ADGB: variants seen among roughly 807,000 people sequenced by gnomAD.
ADGB encodes the protein calpain-7-like protein.
Under a neutral mutation model 210.5 loss-of-function variants are expected in ADGB, and 172 were observed. That is an observed-to-expected ratio of 0.82 (90% CI 0.72 to 0.93). The LOEUF is 0.93. ADGB is among the 40% of genes least tolerant of loss of function. The pLI is 0.00. For synonymous variants in ADGB, 658 were observed against 662.7 expected, an observed-to-expected ratio of 0.99 and a Z score of 0.11; for missense variants, 2,025 against 1,964.8, an observed-to-expected ratio of 1.03 and a Z score of -0.58.
chr6:146,738,556 T>G (rs1292338001), intron 23 of ADGB, among the ~76,000 whole-genome samples: 1 of 149,838 alleles, frequency 6.7e-6, no homozygotes, highest in Non-Finnish European at 1.5e-5. Context: ...TTCACGCCAT[T>G]CTCCTGCCTC....
At chr6:146,804,349 C>T (rs1778179278) in intron 35 of ADGB, among the ~76,000 whole-genome samples, 1 of 152,096 alleles carries the variant, frequency 6.6e-6, no homozygotes, top group Non-Finnish European at 1.5e-5. Context: ...CTGTCATTTC[C>T]AGTAATGGCT....
intron 28 of ADGB, 91 bp downstream of exon 28, chr6:146,764,191 T>C (rs575908671): frequency 9.9e-6 from 11 of 1,115,908 alleles, no homozygotes; most frequent in Middle Eastern, 2.6e-4. Context: ...CAATATACAG[T>C]GTGCAGTGCT....
At chr6:146,750,462 G>A (rs542051667) in intron 26 of ADGB, among the ~76,000 whole-genome samples, 12 of 152,146 alleles carry the variant, frequency 7.9e-5, no homozygotes, top group East Asian at 3.9e-4. Flanking sequence ...GGAGTCTGAC[G>A]CGGAAATATC....
chr6:146,793,698 A>G (rs554999494), intron 33 of ADGB, among the ~76,000 whole-genome samples: 1 of 152,352 alleles, frequency 6.6e-6, no homozygotes, highest in African/African-American at 2.4e-5. Flanking sequence ...GGGAGAAGCC[A>G]TGTCACCCAA....
At chr6:146,713,846 C>T (rs911131685) in intron 13 of ADGB, among the ~76,000 whole-genome samples, 3 of 151,988 alleles carry the variant, frequency 2.0e-5, no homozygotes, top group Admixed American at 6.6e-5. Context: ...CATGAAGCTT[C>T]TCTCTATGTT....
intron 29 of ADGB, among the ~76,000 whole-genome samples, chr6:146,772,482 A>G (rs531954919): frequency 1.1e-3 from 170 of 147,896 alleles, no homozygotes; most frequent in African/African-American, 3.9e-3. Flanking sequence ...ATGGAAATTA[A>G]ATTCCATCAA....
chr6:146,785,323 G>A (rs1210286705), intron 31 of ADGB, among the ~76,000 whole-genome samples: 2 of 152,058 alleles, frequency 1.3e-5, no homozygotes, highest in South Asian at 2.1e-4. Flanking sequence ...TTATTGGGCA[G>A]ATGAAAAAGA....
rs1775585618 is a variant in ADGB, at chr6:146,644,954, G to C, written c.330+89G>C. On this transcript the variant is annotated intron_variant, in intron 3 of 35. Coordinates refer to ENST00000397944, the MANE Select transcript of ADGB (RefSeq NM_024694.4). ...AATTTGCATTTTTTGTAATGATTTA[G>C]GGTAATTTTCTCTTGTGGTATTCAG... 7 of 735,376 alleles carry C rather than the reference G, an allele frequency of 9.5e-6. No individual in the cohort carries two copies. The South Asian group carries it at 1.9e-4, about 20-fold the overall frequency. The allele number at this position is 735,376 out of a possible 1,614,324, so 45.6% of individuals were successfully genotyped here. A position where few individuals can be genotyped will look rare whatever the true frequency, so the allele number is the denominator to read the frequency against.
chr6:146,639,714 A>G (rs558497903), intron 2 of ADGB: 1 of 152,092 alleles, frequency 6.6e-6, no homozygotes, highest in African/African-American at 2.4e-5. Context: ...TCACTTCAGC[A>G]GTGCATATAC....
chr6:146,807,620 A>G, intron 35 of ADGB: 1 of 1,494,112 alleles, frequency 6.7e-7, no homozygotes, highest in Non-Finnish European at 8.9e-7. Flanking sequence ...CTGCTTCTGG[A>G]GAGAAAAAAT....
At chr6:146,680,496 A>G (rs1035372248) in intron 9 of ADGB, among the ~76,000 whole-genome samples, 3 of 152,162 alleles carry the variant, frequency 2.0e-5, no homozygotes, top group Admixed American at 6.6e-5. Context: ...TACTAATAAC[A>G]AGGTGAAAAT....
At chr6:146,808,244 C>T (rs983194582) in intron 35 of ADGB, among the ~76,000 whole-genome samples, 62 of 152,286 alleles carry the variant, frequency 4.1e-4, no homozygotes, top group Middle Eastern at 3.4e-3. Flanking sequence ...AAGTGATCTG[C>T]GCGCATCGGC....
At chr6:146,673,890 A>C (rs4895701) in intron 8 of ADGB, among the ~76,000 whole-genome samples, 42,693 of 152,034 alleles carry the variant, frequency 0.28, 6,855 homozygotes, top group African/African-American at 0.45. Context: ...AATGATATTT[A>C]CCAAGGAGAC....
intron 33 of ADGB, among the ~76,000 whole-genome samples, chr6:146,797,762 G>A (rs1274466938): frequency 6.6e-6 from 1 of 152,042 alleles, no homozygotes; most frequent in South Asian, 2.1e-4. Context: ...GGGGACTAGG[G>A]GAAGGATAAG....
At chr6:146,753,044 AC>A (rs1460211225) in intron 27 of ADGB, among the ~76,000 whole-genome samples, 1 of 152,034 alleles carries the variant, frequency 6.6e-6, no homozygotes, top group East Asian at 1.9e-4. Flanking sequence ...TATTGTACTT[AC>A]TAAAATTAAC....
At chr6:146,715,586 G>T (rs1294998945) in intron 14 of ADGB, among the ~76,000 whole-genome samples, 171 bp downstream of exon 14, 2 of 152,018 alleles carry the variant, frequency 1.3e-5, no homozygotes, top group Non-Finnish European at 2.9e-5. Flanking sequence ...AATTTCAATT[G>T]TTAAATTGAA....
chr6:146,619,127 A>ATAGATATAGATATATTACAATTC (rs1780847616), intron 1 of ADGB, among the ~76,000 whole-genome samples: 1 of 152,032 alleles, frequency 6.6e-6, no homozygotes, highest in South Asian at 2.1e-4. Flanking sequence ...ATATAGATAG[A>ATAGATATAGATATATTACAATTC]TAGATATAGA....
chr6:146,719,445 T>A (rs904090055), intron 16 of ADGB, among the ~76,000 whole-genome samples: 1 of 152,094 alleles, frequency 6.6e-6, no homozygotes, highest in Non-Finnish European at 1.5e-5. Context: ...GAATTTTTTT[T>A]AATTAATGGT....
At chr6:146,600,923 T>TGC (rs200831409) in intron 1 of ADGB, among the ~76,000 whole-genome samples, 11 of 54,450 alleles carry the variant, frequency 2.0e-4, no homozygotes, top group South Asian at 5.4e-4. Context: ...CCCTCCCCCA[T>TGC]GCGCACACAC....
Sources: gnomAD v4.1 joint callset for allele counts (sites outside exome capture counted in the v4.1 genomes callset) on GRCh38, gnomAD v4.1.1 for gene constraint, MANE v1.5 for transcripts, NCBI Gene and HGNC (gene_info 2026-07-23, HGNC 2026-07-21) for gene names.